The following VPS13B variants were observed in gnomAD, a reference collection of about 807,000 sequenced individuals.
VPS13B encodes intermembrane lipid transfer protein VPS13B.
A neutral mutation model predicts 426.4 loss-of-function variants in VPS13B; 285 were observed. The ratio of observed to expected loss-of-function variants is 0.67; its 90% CI spans 0.61 to 0.74. The LOEUF (loss-of-function observed/expected upper bound fraction) is 0.74, where lower values mean the gene tolerates loss of function less well. Among genes scored for constraint, VPS13B ranks in the 30% least tolerant of loss-of-function variants. The pLI is 0.00. For synonymous variants in VPS13B, 1,676 were observed against 1,676.4 expected, an observed-to-expected ratio of 1.00 and a Z score of 0.01; for missense variants, 4,537 against 4,782.6, an observed-to-expected ratio of 0.95 and a Z score of 1.51.
chr8:99,339,312 G>C (rs1449011698), intron 19 of VPS13B, among the ~76,000 whole-genome samples: 1 of 152,066 alleles, frequency 6.6e-6, no homozygotes, highest in Non-Finnish European at 1.5e-5. Context: ...ACAGGAACGT[G>C]ATGCTGGCAT....
At chr8:99,760,538 C>T (rs1250702357) in intron 39 of VPS13B, among the ~76,000 whole-genome samples, 1 of 151,904 alleles carries the variant, frequency 6.6e-6, no homozygotes. Flanking sequence ...AGTGTGACAC[C>T]AATGACTTTT....
chr8:99,277,551 ATCAAAATTCCTTAACAG>A (rs927924858), intron 19 of VPS13B, among the ~76,000 whole-genome samples: 2 of 152,172 alleles, frequency 1.3e-5, no homozygotes, highest in African/African-American at 4.8e-5. Flanking sequence ...AAATGAAAAA[ATCAAAATTCCTTAACAG>A]TCCTTCAAGA....
chr8:99,364,225 G>A (rs1197981098), intron 19 of VPS13B, among the ~76,000 whole-genome samples: 1 of 152,062 alleles, frequency 6.6e-6, no homozygotes, highest in Non-Finnish European at 1.5e-5. Context: ...ATGATCATAT[G>A]GTTTTCTCCT....
chr8:99,445,340 CTA>C (rs1025117690), intron 23 of VPS13B, among the ~76,000 whole-genome samples: 19 of 149,764 alleles, frequency 1.3e-4, no homozygotes, highest in Non-Finnish European at 2.7e-4. Context: ...TGGCTTGAGC[CTA>C]TAGTCCTAGC....
At chr8:99,258,424 G>A (rs760440837) in intron 17 of VPS13B, among the ~76,000 whole-genome samples, 9 of 151,520 alleles carry the variant, frequency 5.9e-5, no homozygotes, top group African/African-American at 9.7e-5. Context: ...CTTTGTTATC[G>A]GTATCACAAC....
intron 17 of VPS13B, among the ~76,000 whole-genome samples, chr8:99,200,068 A>G (rs543382298): frequency 7.2e-5 from 11 of 152,170 alleles, no homozygotes; most frequent in Admixed American, 2.0e-4. Flanking sequence ...TTTCCCAGCA[A>G]TAGGCAAATA....
chr8:99,482,072 C>G (rs1426106092), intron 25 of VPS13B, among the ~76,000 whole-genome samples: 1 of 152,050 alleles, frequency 6.6e-6, no homozygotes, highest in African/African-American at 2.4e-5. Flanking sequence ...TATGTTTCCT[C>G]GGAAGTATGG....
chr8:99,446,490 C>T (rs1563734813), intron 23 of VPS13B, among the ~76,000 whole-genome samples: 1 of 152,092 alleles, frequency 6.6e-6, no homozygotes, highest in Non-Finnish European at 1.5e-5. Flanking sequence ...ATAATCTATT[C>T]AGATATTGCC....
intron 17 of VPS13B, among the ~76,000 whole-genome samples, chr8:99,240,317 T>C (rs1236041385): frequency 6.6e-6 from 1 of 152,200 alleles, no homozygotes; most frequent in African/African-American, 2.4e-5. Flanking sequence ...ATCATGATCA[T>C]GTCTTACATT....
rs1207709225 is a variant in VPS13B at position 99,876,054 on chromosome 8, T to G, written c.*388T>G. The G allele has an allele frequency of 4.2e-6, 1 of 239,484 alleles. No individual in the cohort carries two copies. The highest frequency in any genetic ancestry group is 2.3e-5 in the African/African-American group (1 of 43,884). The allele number at this position is 239,484 out of a possible 1,614,324, so 14.8% of individuals were successfully genotyped here. A position where few individuals can be genotyped will look rare whatever the true frequency, so the allele number is the denominator to read the frequency against. ...ACAGAGGATGCATTTATTTTTGCTCTATGACACTTGCAAAAATCTCTACTG... is the reference window on the plus strand; with the variant it reads ...ACAGAGGATGCATTTATTTTTGCTCGATGACACTTGCAAAAATCTCTACTG... On this transcript the variant is annotated 3_prime_UTR_variant, in exon 62 of 62. Coordinates refer to ENST00000357162, the MANE Select transcript of VPS13B (RefSeq NM_152564.5).
Position 99,042,811 on chromosome 8 carries a change from CTGACAGCCCATAGATTTAGG to C in VPS13B, c.291+4250_291+4269del, listed in dbSNP as rs1321584063. ...TATTAATAAGAAAAAAATTTTGGTC[CTGACAGCCCATAGATTTAGG>C]TGACCTGATCAAAAAGTGATATGTT... On this transcript the variant is annotated intron_variant, in intron 3 of 61. Coordinates refer to ENST00000357162, the MANE Select transcript of VPS13B (RefSeq NM_152564.5). Among the ~76,000 whole-genome samples the C allele has an allele frequency of 3.9e-5, 6 of 152,232 alleles. No homozygotes were observed. In the East Asian group the frequency reaches 7.7e-4, roughly 20 times the overall value.
chr8:99,058,980 A>G (rs1303520023), intron 3 of VPS13B, among the ~76,000 whole-genome samples: 1 of 152,192 alleles, frequency 6.6e-6, no homozygotes, highest in African/African-American at 2.4e-5. Context: ...TTGTGTGTAA[A>G]CCACATAGAA....
intron 39 of VPS13B, among the ~76,000 whole-genome samples, chr8:99,737,647 T>A (rs1218064613): frequency 6.6e-6 from 1 of 152,254 alleles, no homozygotes; most frequent in Non-Finnish European, 1.5e-5. Context: ...CAAAAGCGTG[T>A]ATCAGACAGT....
chr8:99,153,746 ATTAAAAGTCTTT>A, intron 14 of VPS13B, among the ~76,000 whole-genome samples: 1 of 152,252 alleles, frequency 6.6e-6, no homozygotes, highest in Non-Finnish European at 1.5e-5. Flanking sequence ...AATAACAAAA[ATTAAAAGTCTTT>A]TTTTACCTTA....
At chr8:99,302,511 G>T (rs1348248558) in intron 19 of VPS13B, among the ~76,000 whole-genome samples, 2 of 151,772 alleles carry the variant, frequency 1.3e-5, no homozygotes, top group Non-Finnish European at 2.9e-5. Context: ...ATACTCTATT[G>T]ATTTTTTTTT....
In VPS13B at chr8:99,511,315, A is replaced by G; in HGVS notation, c.4436A>G (p.Tyr1479Cys). 1 of 1,613,706 alleles carries G rather than the reference A, an allele frequency of 6.2e-7. No individual in the cohort carries two copies. Among genetic ancestry groups the G allele is most frequent in the African/African-American group, 1.3e-5 (1 of 74,934 alleles). The change falls in exon 29 of 62, where the codon TAT becomes TGT. Residue 1479 changes from tyrosine (Y) to cysteine (C), a missense_variant. Transcript: ENST00000357162. ...GCACAAGCTTTTGATATTGTTCTTT[A>G]TTTTCCTTTACTTAATGCCATTGCA... ...LSAQAFDIVL[Y>C]FPLLNAIASI...
chr8:99,097,986 T>G (rs1846519403), intron 4 of VPS13B, among the ~76,000 whole-genome samples: 1 of 152,194 alleles, frequency 6.6e-6, no homozygotes, highest in Non-Finnish European at 1.5e-5. Context: ...CTACAGATAT[T>G]AACAAAGACT....
intron 15 of VPS13B, among the ~76,000 whole-genome samples, chr8:99,167,007 G>A (rs560074811): frequency 1.3e-3 from 198 of 152,264 alleles, no homozygotes; most frequent in African/African-American, 4.4e-3. Flanking sequence ...AAGGAAGATC[G>A]GGTGAAATTT....
intron 43 of VPS13B, among the ~76,000 whole-genome samples, chr8:99,794,690 T>C (rs1026489529): frequency 2.1e-4 from 32 of 152,214 alleles, no homozygotes; most frequent in Non-Finnish European, 3.1e-4. Context: ...TGTCTTTATC[T>C]CTTTCAGTCT....
Sources: gnomAD v4.1 joint callset for allele counts (sites outside exome capture counted in the v4.1 genomes callset) on GRCh38, gnomAD v4.1.1 for gene constraint, MANE v1.5 for transcripts, NCBI Gene and HGNC (gene_info 2026-07-23, HGNC 2026-07-21) for gene names.